PLXDC1: variants seen among roughly 807,000 people sequenced by gnomAD.
The protein encoded by PLXDC1 is plexin domain-containing protein 1.
PLXDC1 carries 39 observed loss-of-function variants against 61.3 expected under a neutral mutation model. The ratio of observed to expected loss-of-function variants is 0.64; its 90% CI spans 0.49 to 0.83. The LOEUF is 0.83. Among genes scored for constraint, PLXDC1 ranks in the 40% least tolerant of loss-of-function variants. PLXDC1 has a pLI of 0.00. For synonymous variants in PLXDC1, 212 were observed against 254.5 expected, an observed-to-expected ratio of 0.83 and a Z score of 1.59; for missense variants, 596 against 666.5, an observed-to-expected ratio of 0.89 and a Z score of 1.17.
intron 9 of PLXDC1, among the ~76,000 whole-genome samples, chr17:39,082,556 ACT>A: frequency 1.1e-5 from 1 of 90,394 alleles, no homozygotes; most frequent in Middle Eastern, 4.9e-3. Flanking sequence ...CAAGAGCAAA[ACT>A]CTCTCAAAAA....
intron 1 of PLXDC1, among the ~76,000 whole-genome samples, chr17:39,144,496 T>C (rs1424396863): frequency 6.6e-6 from 1 of 152,186 alleles, no homozygotes; most frequent in African/African-American, 2.4e-5. Flanking sequence ...TGGCCACCCT[T>C]CCTTCCCTGT....
intron 11 of PLXDC1, chr17:39,073,291 C>G (rs1909196181): frequency 6.6e-6 from 1 of 152,186 alleles, no homozygotes. Flanking sequence ...CCTCTCAGAG[C>G]ACTGGGATTA....
At chr17:39,105,014 C>T (rs886149710) in intron 7 of PLXDC1, among the ~76,000 whole-genome samples, 1 of 152,190 alleles carries the variant, frequency 6.6e-6, no homozygotes, top group African/African-American at 2.4e-5. Context: ...TGGGGGCTCC[C>T]AAGCGTGTCC....
intron 7 of PLXDC1, among the ~76,000 whole-genome samples, chr17:39,098,058 A>G (rs1017923777): frequency 5.9e-4 from 89 of 151,826 alleles, no homozygotes; most frequent in African/African-American, 2.0e-3. Context: ...TACAAAAATT[A>G]GTCAGGCGTG....
At chr17:39,148,966 A>G (rs1370329497) in intron 1 of PLXDC1, among the ~76,000 whole-genome samples, 1 of 152,140 alleles carries the variant, frequency 6.6e-6, no homozygotes, top group East Asian at 1.9e-4. Flanking sequence ...CAGGACTCCC[A>G]GGCCAGGATG....
At chr17:39,080,509 T>G (rs1909515278) in intron 9 of PLXDC1, 1 of 151,924 alleles carries the variant, frequency 6.6e-6, no homozygotes, top group Non-Finnish European at 1.5e-5. Context: ...TGGGAGGCTG[T>G]GAAAGGCAAA....
intron 2 of PLXDC1, among the ~76,000 whole-genome samples, chr17:39,128,083 C>A (rs1567769432): frequency 1.4e-4 from 13 of 96,084 alleles, no homozygotes; most frequent in South Asian, 7.6e-4. Context: ...CTCTCTCTCT[C>A]TCTCTCTCTA....
At chr17:39,109,114 TC>T (rs1247886000) in intron 3 of PLXDC1, 133 bp downstream of exon 3, 10 of 1,335,036 alleles carry the variant, frequency 7.5e-6, no homozygotes, top group Non-Finnish European at 1.0e-5. Context: ...TCTGGCAAAG[TC>T]CCATGGGAAC....
chr17:39,073,601 C>T (rs1909209564), intron 11 of PLXDC1, among the ~76,000 whole-genome samples: 1 of 152,258 alleles, frequency 6.6e-6, no homozygotes. Context: ...CTCTCTCCCA[C>T]TCACCAAGGG....
upstream of PLXDC1, chr17:39,152,885 A>C (rs2045383741): frequency 2.5e-6 from 1 of 395,622 alleles, no homozygotes; most frequent in Non-Finnish European, 4.4e-6. Context: ...AGAGTCCCAG[A>C]GACTACCTCC....
chr17:39,069,731 GGTGGATGAAGTTTTCTCAGGTAT>G, intron 13 of PLXDC1, 102 bp downstream of exon 13: 1 of 721,678 alleles, frequency 1.4e-6, no homozygotes, highest in East Asian at 2.6e-5. Flanking sequence ...GCCAGGATGG[GGTGGATGAAGTTTTCTCAGGTAT>G]GTGGCAGGGG....
intron 2 of PLXDC1, among the ~76,000 whole-genome samples, chr17:39,129,024 A>C (rs528567286): frequency 6.6e-6 from 1 of 151,606 alleles, no homozygotes; most frequent in Admixed American, 6.6e-5. Flanking sequence ...GAGAGAAAAA[A>C]ACAGATACTC....
chr17:39,107,427 TG>T lies in PLXDC1; in HGVS notation c.690del (p.Ile231LeufsTer31), dbSNP rs754977436. The T allele has an allele frequency of 1.2e-5, 19 of 1,611,730 alleles. No individual in the cohort carries two copies. The highest frequency in any genetic ancestry group is 1.5e-5 in the Non-Finnish European group (18 of 1,178,360). On this transcript the variant is annotated frameshift_variant, in exon 6 of 14. Transcript: ENST00000315392. LOFTEE classifies it high-confidence loss of function. ...TFQAALHHDG[R>X]IVFAYKEIPM... The stretch of plus-strand genomic sequence containing the variant: ...CTCACCTCTTTATAGGCAAAGACAA[TG>T]CGGCCGTCATGGTGCAGAGCTGCCT...
chr17:39,099,386 C>A (rs568183922), intron 7 of PLXDC1, among the ~76,000 whole-genome samples: 1 of 151,100 alleles, frequency 6.6e-6, no homozygotes, highest in Admixed American at 6.6e-5. Flanking sequence ...TGAGACTCTG[C>A]CTGGAAGAAG....
At chr17:39,093,439 G>C (rs534037875) in intron 7 of PLXDC1, among the ~76,000 whole-genome samples, 4 of 152,192 alleles carry the variant, frequency 2.6e-5, no homozygotes, top group African/African-American at 7.2e-5. Context: ...TAAAAATTAC[G>C]GGCACAGTGG....
intron 13 of PLXDC1, among the ~76,000 whole-genome samples, chr17:39,068,458 C>G (rs1196797179): frequency 6.6e-6 from 1 of 152,236 alleles, no homozygotes; most frequent in Admixed American, 6.5e-5. Context: ...GGGCAGATCA[C>G]TTGAGGCCAG....
At chr17:39,095,260 A>G (rs907995934) in intron 7 of PLXDC1, among the ~76,000 whole-genome samples, 13 of 151,588 alleles carry the variant, frequency 8.6e-5, no homozygotes, top group Non-Finnish European at 1.6e-4. Flanking sequence ...GGGTGGAACT[A>G]TATCTCTAAT....
At chr17:39,088,971 G>A (rs1909849497) in intron 7 of PLXDC1, among the ~76,000 whole-genome samples, 2 of 128,992 alleles carry the variant, frequency 1.6e-5, no homozygotes, top group Non-Finnish European at 1.7e-5. Flanking sequence ...AAAAGAGAGA[G>A]AGAGAAAAAG....
intron 2 of PLXDC1, among the ~76,000 whole-genome samples, chr17:39,131,246 G>C (rs137897934): frequency 1.3e-4 from 20 of 152,256 alleles, no homozygotes; most frequent in Non-Finnish European, 2.6e-4. Flanking sequence ...GACCAAGATC[G>C]AGGGCCAGGA....
Sources: gnomAD v4.1 joint callset for allele counts (sites outside exome capture counted in the v4.1 genomes callset) on GRCh38, gnomAD v4.1.1 for gene constraint, MANE v1.5 for transcripts, NCBI Gene and HGNC (gene_info 2026-07-23, HGNC 2026-07-21) for gene names.